Variants in NFIC observed in about 807,000 individuals in gnomAD.
NFIC encodes the protein nuclear factor I C, also known as nuclear factor 1 C-type.
A neutral mutation model predicts 54.4 loss-of-function variants in NFIC; 12 were observed. The ratio of observed to expected loss-of-function variants is 0.22; its 90% CI spans 0.14 to 0.36. The LOEUF (loss-of-function observed/expected upper bound fraction) is 0.36. NFIC is among the 10% of genes least tolerant of loss of function. The pLI is 1.00. For missense variants in NFIC, 575 were observed against 718.2 expected (o/e 0.80, Z 2.28); for synonymous variants, 322 against 319.2 (o/e 1.01, Z -0.09).
chr19:3,461,188 G>A (rs1240711257), intron 10 of NFIC, among the ~76,000 whole-genome samples: 2 of 149,634 alleles, frequency 1.3e-5, no homozygotes, highest in Non-Finnish European at 3.0e-5. Flanking sequence ...GCTCATGTCT[G>A]TAATCCTAGC....
At chr19:3,395,133 C>A (rs771570980) in intron 2 of NFIC, among the ~76,000 whole-genome samples, 2 of 152,030 alleles carry the variant, frequency 1.3e-5, no homozygotes, top group African/African-American at 4.8e-5. Context: ...CCGAGACGGG[C>A]GGATCTCCCG....
intron 2 of NFIC, among the ~76,000 whole-genome samples, chr19:3,420,996 T>TA (rs1222053721): frequency 1.3e-5 from 2 of 152,172 alleles, no homozygotes; most frequent in East Asian, 3.9e-4. Context: ...GTGCTGGGAA[T>TA]ACAGGCGTGA....
intron 2 of NFIC, among the ~76,000 whole-genome samples, chr19:3,422,603 G>A (rs999722741): frequency 1.3e-5 from 2 of 151,742 alleles, no homozygotes; most frequent in African/African-American, 4.8e-5. Context: ...TGTAGTCCCA[G>A]CTACTCAGGA....
chr19:3,391,722 G>A (rs1343472052), intron 2 of NFIC, among the ~76,000 whole-genome samples: 5 of 151,820 alleles, frequency 3.3e-5, no homozygotes, highest in Admixed American at 6.6e-5. Context: ...ACTTGAACCC[G>A]GGAGGCGGAG....
Position 3,452,437 on chromosome 19 carries a change from C to A in NFIC, c.1085-45C>A. 1 of 1,601,384 alleles carries A rather than the reference C, an allele frequency of 6.2e-7. No homozygotes were observed. Among genetic ancestry groups the A allele is most frequent in the Non-Finnish European group, 8.5e-7 (1 of 1,176,484 alleles). On this transcript the variant is annotated intron_variant, in intron 7 of 10. Coordinates refer to ENST00000443272, the MANE Select transcript of NFIC (RefSeq NM_001245002.2). This position sits in a 1 kb window ranked among gnomAD's most constrained non-coding sequence, Gnocchi z 5.3. ...ACAGTCACACGGTCACAGAGCAGAC[C>A]GGCTGGAGCCCCCAAGTAACCCCCG...
rs1181377584 is a variant in NFIC at position 3,458,851 on chromosome 19, A to G, written c.1509+2216A>G. ...CTGGAGCACAGAAAGGAGGTGACAC[A>G]TTGTCAAGAGGCTCTCAGGGGAGCA... On this transcript the variant is annotated intron_variant, in intron 10 of 10. Coordinates refer to ENST00000443272, the MANE Select transcript of NFIC (RefSeq NM_001245002.2). This position sits in a 1 kb window ranked among gnomAD's most constrained non-coding sequence, Gnocchi z 4.1. Among the ~76,000 whole-genome samples the G allele has an allele frequency of 6.6e-6, 1 of 152,042 alleles. No individual in the cohort carries two copies. The highest frequency in any genetic ancestry group is 1.5e-5 in the Non-Finnish European group (1 of 67,992).
chr19:3,397,637 C>T (rs949070996), intron 2 of NFIC, among the ~76,000 whole-genome samples: 10 of 152,348 alleles, frequency 6.6e-5, no homozygotes, highest in African/African-American at 2.4e-4. Context: ...GAGTCTCCTC[C>T]CAGCCCCCCA....
chr19:3,382,538 G>A (rs2081229521), intron 2 of NFIC, among the ~76,000 whole-genome samples: 2 of 152,016 alleles, frequency 1.3e-5, no homozygotes, highest in South Asian at 4.1e-4. Flanking sequence ...GGAGGCCAGT[G>A]CATATAGATG....
chr19:3,398,906 C>T (rs1568421599), intron 2 of NFIC, among the ~76,000 whole-genome samples: 2 of 152,246 alleles, frequency 1.3e-5, no homozygotes. Context: ...GAGCTGCGGA[C>T]TCCGCCCTCA....
At chr19:3,398,799 G>A (rs1020869070) in intron 2 of NFIC, among the ~76,000 whole-genome samples, 1 of 152,210 alleles carries the variant, frequency 6.6e-6, no homozygotes, top group African/African-American at 2.4e-5. Flanking sequence ...TACATAAGGG[G>A]AGGCCGGGCC....
rs2080955411 is a variant in NFIC, at chr19:3,369,295, T to C, written c.30+2629T>C. Among the ~76,000 whole-genome samples the C allele has an allele frequency of 6.6e-6, 1 of 152,002 alleles. No homozygotes were observed. The highest frequency in any genetic ancestry group is 6.6e-5 in the Admixed American group (1 of 15,248). On this transcript the variant is annotated intron_variant, in intron 1 of 10. Coordinates refer to ENST00000443272, the MANE Select transcript of NFIC (RefSeq NM_001245002.2). This position sits in a 1 kb window ranked among gnomAD's most constrained non-coding sequence, Gnocchi z 4.3. ...CTGTCTCTTCATCTCTGTCTCACCTTCCCTTTCTCCTCTGTCTCTGCGTGT... is the reference window on the plus strand; with the variant it reads ...CTGTCTCTTCATCTCTGTCTCACCTCCCCTTTCTCCTCTGTCTCTGCGTGT...
intron 2 of NFIC, among the ~76,000 whole-genome samples, chr19:3,404,795 C>G (rs913108431): frequency 6.6e-6 from 1 of 152,216 alleles, no homozygotes; most frequent in Non-Finnish European, 1.5e-5. Flanking sequence ...CGAGTCCCTA[C>G]GCGCAGGCCT....
At chr19:3,387,819 AG>A (rs1178316847) in intron 2 of NFIC, among the ~76,000 whole-genome samples, 1 of 151,812 alleles carries the variant, frequency 6.6e-6, no homozygotes, top group Non-Finnish European at 1.5e-5. Context: ...GGGGCGGGAG[AG>A]GGTGACCCGG....
At chr19:3,395,086 C>T (rs28626338) in intron 2 of NFIC, among the ~76,000 whole-genome samples, 25,935 of 151,904 alleles carry the variant, frequency 0.17, 2,321 homozygotes, top group East Asian at 0.28. Flanking sequence ...AGGCTGGGCG[C>T]GGTGGCTCAC....
rs1225137981 is a variant in NFIC, at chr19:3,369,660, C to T, written c.30+2994C>T. Among the ~76,000 whole-genome samples the T allele has an allele frequency of 6.6e-6, 1 of 151,844 alleles. No homozygotes were observed. The highest frequency in any genetic ancestry group is 1.5e-5 in the Non-Finnish European group (1 of 67,898). ...ACTCAAGCGCTTTTTCACTTTTACTCTTAAGAGGAACTGTGTGGAGCCCAT... is the reference window on the plus strand; with the variant it reads ...ACTCAAGCGCTTTTTCACTTTTACTTTTAAGAGGAACTGTGTGGAGCCCAT... On this transcript the variant is annotated intron_variant, in intron 1 of 10. Transcript: ENST00000443272. This position sits in a 1 kb window ranked among gnomAD's most constrained non-coding sequence, Gnocchi z 4.3.
intron 6 of NFIC, among the ~76,000 whole-genome samples, chr19:3,439,629 C>T (rs952117082): frequency 2.7e-5 from 4 of 150,350 alleles, no homozygotes; most frequent in South Asian, 2.1e-4. Context: ...GCAACAAGAG[C>T]GAAACTCCAT....
intron 2 of NFIC, among the ~76,000 whole-genome samples, chr19:3,403,326 C>T (rs1260869124): frequency 2.6e-5 from 4 of 152,198 alleles, no homozygotes; most frequent in Non-Finnish European, 5.9e-5. Flanking sequence ...GTTCAAGTTC[C>T]GTTGTCCAAC....
Position 3,452,183 on chromosome 19 carries a change from A to T in NFIC, c.1085-299A>T, listed in dbSNP as rs912818583. ...CACTTTGGGAGGCCTAGGAGGGAGG[A>T]TCGCTTGAGCCCAGGAGTTCGAGAC... On this transcript the variant is annotated intron_variant, in intron 7 of 10. Coordinates refer to ENST00000443272, the MANE Select transcript of NFIC (RefSeq NM_001245002.2). The surrounding 1 kb of genome is among the most constrained non-coding windows in gnomAD (Gnocchi z 5.3). 2.6e-5 allele frequency among the ~76,000 whole-genome samples: 4 copies of T among 151,524 alleles called. No homozygotes were observed. Among genetic ancestry groups the T allele is most frequent in the Non-Finnish European group, 5.9e-5 (4 of 67,948 alleles).
chr19:3,381,682 C>T (rs757255663), intron 1 of NFIC, 30 bp from the exon 2 acceptor site: 3 of 1,608,948 alleles, frequency 1.9e-6, no homozygotes, highest in Non-Finnish European at 2.5e-6. Flanking sequence ...GTCCCTGGCG[C>T]TCCTGACCTC....
Sources: gnomAD v4.1 joint callset for allele counts (sites outside exome capture counted in the v4.1 genomes callset) on GRCh38, gnomAD v4.1.1 for gene constraint, Gnocchi (gnomAD v3.1) non-coding constraint, MANE v1.5 for transcripts, NCBI Gene and HGNC (gene_info 2026-07-23, HGNC 2026-07-21) for gene names.